SLC4A2: variants seen among roughly 807,000 people sequenced by gnomAD.
SLC4A2 encodes solute carrier family 4 member 2.
Under a neutral mutation model 115.0 loss-of-function variants are expected in SLC4A2, and 36 were observed. The observed-to-expected ratio is 0.31, with a 90% CI of 0.24 to 0.41. The LOEUF (loss-of-function observed/expected upper bound fraction) is 0.41. SLC4A2 is among the 10% of genes least tolerant of loss of function. The pLI, the probability that SLC4A2 is intolerant of heterozygous loss-of-function variation, is 1.00. For missense variants in SLC4A2, 1,252 were observed against 1,705.6 expected (o/e 0.73, Z 4.68); for synonymous variants, 708 against 708.3 (o/e 1.00, Z 0.01).
In SLC4A2 at chr7:151,066,987, C is replaced by A; in HGVS notation, c.960C>A (p.Pro320=). 1 of 1,596,872 alleles carries A rather than the reference C, an allele frequency of 6.3e-7. No homozygotes were observed. Among genetic ancestry groups the A allele is most frequent in the Non-Finnish European group, 8.5e-7 (1 of 1,173,356 alleles). ...CCCGACCCCGGGCCCCCCACAAGCC[C>A]CATGAGGTACCATGCTCTGCTTCAT... is the stretch of plus-strand genomic sequence containing the variant. ...PRARPRAPHK[P]HEVFVELNEL... Residue 320 remains proline, a synonymous_variant, in exon 7 of 23, where the codon CCC becomes CCA. Coordinates refer to ENST00000413384, the MANE Select transcript of SLC4A2 (RefSeq NM_003040.4).
At chr7:151,062,795 A>T in intron 2 of SLC4A2, 1 of 1,366,324 alleles carries the variant, frequency 7.3e-7, no homozygotes, top group Non-Finnish European at 9.4e-7. Flanking sequence ...GATGGACAGG[A>T]GCCTTCCTCA....
At chr7:151,063,587 G>C (rs1797128400) in intron 2 of SLC4A2, among the ~76,000 whole-genome samples, 1 of 150,798 alleles carries the variant, frequency 6.6e-6, no homozygotes, top group Non-Finnish European at 1.5e-5. Context: ...GGGGGACTGG[G>C]TCTCTGCATC....
intron 5 of SLC4A2, among the ~76,000 whole-genome samples, chr7:151,065,587 G>T (rs1353184013): frequency 6.6e-6 from 1 of 152,200 alleles, no homozygotes; most frequent in South Asian, 2.1e-4. Context: ...CTACTATCAC[G>T]GACCTGTTGT....
Position 151,071,084 on chromosome 7 carries a change from G to A in SLC4A2, c.1762G>A (p.Ala588Thr), listed in dbSNP as rs769032302. 3.7e-6 allele frequency: 6 copies of A among 1,612,512 alleles called. No individual in the cohort carries two copies. The African/African-American group carries it at 5.3e-5, about 14-fold the overall frequency. ...GCTGCTTTGGCAGCAATTCCACGAGGCAGCCTACCTGGCTGACGAGCGGGA... is the reference window on the plus strand; with the variant it reads ...GCTGCTTTGGCAGCAATTCCACGAGACAGCCTACCTGGCTGACGAGCGGGA... Reference protein sequence around the residue: ...TLMSDKQFHEAAYLADEREDL... With the variant: ...TLMSDKQFHETAYLADEREDL... Residue 588 changes from alanine (A) to threonine (T), a missense_variant, in exon 13 of 23, where the codon GCA (alanine) becomes ACA (threonine). Transcript: ENST00000413384. The surrounding 1 kb of genome is among the most constrained non-coding windows in gnomAD (Gnocchi z 5.5).
chr7:151,059,001 C>A (rs1168305267), upstream of SLC4A2: 1 of 152,216 alleles, frequency 6.6e-6, no homozygotes, highest in African/African-American at 2.4e-5. This position sits in a 1 kb window ranked among gnomAD's most constrained non-coding sequence, Gnocchi z 5.8. Context: ...ATCTGGAAGA[C>A]TTTGTGATTT....
rs1477418637 is a variant in SLC4A2, at chr7:151,066,647, G to A, written c.709G>A (p.Glu237Lys). ...QPGHRSYNLQ[E>K]RRRIGSMTGA... is the part of the protein sequence containing the mutation. ...TGGGCACCGCAGCTACAACCTTCAGGAGAGGAGGCGCATCGGGAGCATGAC... is the reference window on the plus strand; with the variant it reads ...TGGGCACCGCAGCTACAACCTTCAGAAGAGGAGGCGCATCGGGAGCATGAC... The change falls in exon 6 of 23, where the codon GAG (glutamate) becomes AAG (lysine). Residue 237 changes from glutamate (E) to lysine (K), a missense_variant. By Grantham distance (56) the Glu-to-Lys change is moderately conservative. This residue lies in a region of SLC4A2 where 42 missense variants were observed against 93.1 expected (regional missense o/e 0.45). Coordinates refer to ENST00000413384, the MANE Select transcript of SLC4A2 (RefSeq NM_003040.4). The A allele has an allele frequency of 7.1e-6, 11 of 1,550,700 alleles. No homozygotes were observed. Among genetic ancestry groups the A allele is most frequent in the Non-Finnish European group, 9.6e-6 (11 of 1,147,022 alleles).
intron 7 of SLC4A2, among the ~76,000 whole-genome samples, 173 bp from the exon 8 acceptor site, chr7:151,067,701 A>C (rs918243260): frequency 3.5e-4 from 53 of 152,170 alleles, no homozygotes; most frequent in African/African-American, 1.2e-3. Context: ...CTCATTGGTT[A>C]GTCAGTTGTC....
chr7:151,075,991 C>T (rs200891123), intron 21 of SLC4A2, 22 bp from the exon 22 acceptor site: 8 of 1,564,174 alleles, frequency 5.1e-6, no homozygotes, highest in Admixed American at 3.7e-5. Flanking sequence ...GGAAGCTGGG[C>T]TCACCTGTCT....
intron 2 of SLC4A2, chr7:151,062,733 C>T (rs1038608483): frequency 7.1e-7 from 1 of 1,404,662 alleles, no homozygotes; most frequent in African/African-American, 1.5e-5. Flanking sequence ...TCCCCTCGTC[C>T]CACGGGGCTG....
Position 151,069,927 on chromosome 7 carries a change from T to A in SLC4A2, c.1148-20T>A. ...TTTGTGACCTGGGGCTGAGGGGCCCTCTGTGCCATCTTATGCTAGGGGCTG... is the reference window on the plus strand; with the variant it reads ...TTTGTGACCTGGGGCTGAGGGGCCCACTGTGCCATCTTATGCTAGGGGCTG... On this transcript the variant is annotated intron_variant, in intron 8 of 22. Transcript: ENST00000413384. 1 of 1,613,522 alleles carries A rather than the reference T, an allele frequency of 6.2e-7. No homozygotes were observed.
At chr7:151,068,888 C>G (rs1797327649) in intron 8 of SLC4A2, among the ~76,000 whole-genome samples, 1 of 151,346 alleles carries the variant, frequency 6.6e-6, no homozygotes, top group Non-Finnish European at 1.5e-5. Context: ...GCCTATAATC[C>G]CAGCACCTTG....
intron 2 of SLC4A2, among the ~76,000 whole-genome samples, chr7:151,063,502 T>C (rs567825727): frequency 6.6e-6 from 1 of 152,086 alleles, no homozygotes; most frequent in African/African-American, 2.4e-5. Flanking sequence ...TTCTTCCACC[T>C]GCCCTGAACT....
At chr7:151,066,472 GA>G (rs1335176765) in intron 5 of SLC4A2, 44 bp from the exon 6 acceptor site, 8 of 1,459,636 alleles carry the variant, frequency 5.5e-6, no homozygotes, top group Non-Finnish European at 7.2e-6. Flanking sequence ...GGGCGTGGGG[GA>G]GGAGGCCAGG....
chr7:151,071,937 T>G lies in SLC4A2; in HGVS notation c.2341-5T>G. The G allele has an allele frequency of 1.9e-6, 3 of 1,613,294 alleles. No homozygotes were observed. Among genetic ancestry groups the G allele is most frequent in the Non-Finnish European group, 2.5e-6 (3 of 1,179,668 alleles). ...AGCTCAGGACCTGACTGCCCCTCCC[T>G]CCAGTTCTGTAGCAGCAACCACCTG... On this transcript the variant is annotated splice_polypyrimidine_tract_variant and splice_region_variant and intron_variant, in intron 15 of 22. Transcript: ENST00000413384. This position sits in a 1 kb window ranked among gnomAD's most constrained non-coding sequence, Gnocchi z 5.5.
At chr7:151,062,707 C>T (rs2150366408) in intron 2 of SLC4A2, 1 of 1,451,582 alleles carries the variant, frequency 6.9e-7, no homozygotes, top group Non-Finnish European at 9.1e-7. Flanking sequence ...CGGCAAGCTC[C>T]CTGCGCCTCT....
Position 151,071,672 on chromosome 7 carries a change from G to A in SLC4A2, c.2192-17G>A, listed in dbSNP as rs753867127. ...GGGCCTGGCCACCAGCTCCTGAGCT[G>A]GTTCCTACACCCCTAGGAGAGAAGA... On this transcript the variant is annotated splice_polypyrimidine_tract_variant and intron_variant, in intron 14 of 22. Transcript: ENST00000413384. The surrounding 1 kb of genome is among the most constrained non-coding windows in gnomAD (Gnocchi z 5.5). The A allele has an allele frequency of 6.2e-7, 1 of 1,611,504 alleles. No homozygotes were observed. Among genetic ancestry groups the A allele is most frequent in the Admixed American group, 1.7e-5 (1 of 59,846 alleles).
chr7:151,070,129 C>T, intron 9 of SLC4A2, 47 bp downstream of exon 9: 2 of 1,614,058 alleles, frequency 1.2e-6, no homozygotes, highest in African/African-American at 1.3e-5. Flanking sequence ...GCCCACCTGC[C>T]CTGGCCCTTG....
intron 7 of SLC4A2, 126 bp downstream of exon 7, chr7:151,067,119 C>T (rs952625904): frequency 4.5e-5 from 46 of 1,029,928 alleles, no homozygotes; most frequent in African/African-American, 1.1e-4. Flanking sequence ...GAGACAGTCT[C>T]GCTCTGTTGC....
chr7:151,067,059 C>G, intron 7 of SLC4A2, 66 bp downstream of exon 7: 3 of 1,453,506 alleles, frequency 2.1e-6, no homozygotes, highest in Non-Finnish European at 1.9e-6. Flanking sequence ...CCTCTCAGAC[C>G]AGCTGTAATC....
Sources: gnomAD v4.1 joint callset for allele counts (sites outside exome capture counted in the v4.1 genomes callset) on GRCh38, gnomAD v4.1.1 for gene constraint, gnomAD v4.1.1 regional missense constraint, Gnocchi (gnomAD v3.1) non-coding constraint, MANE v1.5 for transcripts, NCBI Gene and HGNC (gene_info 2026-07-23, HGNC 2026-07-21) for gene names.